Variants in MTCL3 observed in about 807,000 individuals in gnomAD.
MTCL3 encodes MTCL family member 3, also known as microtubule cross-linking factor 3.
the MTCL3 span, among the ~76,000 whole-genome samples, chr6:127,490,955 T>C: frequency 1.3e-5 from 2 of 152,138 alleles, no homozygotes; most frequent in Non-Finnish European, 2.9e-5. Flanking sequence ...AAGACATCAG[T>C]TGAGGAAATA....
At chr6:127,501,037 C>A in the MTCL3 span, among the ~76,000 whole-genome samples, 14 of 152,206 alleles carry the variant, frequency 9.2e-5, no homozygotes, top group African/African-American at 2.9e-4. Flanking sequence ...TGGTCTTGAT[C>A]TCCTGACCTC....
At chr6:127,516,289 G>A in the MTCL3 span, 12 of 1,540,700 alleles carry the variant, frequency 7.8e-6, no homozygotes, top group East Asian at 4.8e-5. Flanking sequence ...CCCTTTGGGC[G>A]CCAGGGGCGT....
chr6:127,516,008 C>T, the MTCL3 span: 3 of 1,593,162 alleles, frequency 1.9e-6, no homozygotes, highest in African/African-American at 1.3e-5. Flanking sequence ...CTCTGCTGAG[C>T]GCGTACGCCT....
the MTCL3 span, chr6:127,476,175 C>T: frequency 6.2e-7 from 1 of 1,614,174 alleles, no homozygotes; most frequent in Non-Finnish European, 8.5e-7. This position sits in a 1 kb window ranked among gnomAD's most constrained non-coding sequence, Gnocchi z 4.4. Flanking sequence ...CGTCCAGTTC[C>T]GCCTTCAGGC....
At chr6:127,478,490 G>A in the MTCL3 span, among the ~76,000 whole-genome samples, 1 of 152,242 alleles carries the variant, frequency 6.6e-6, no homozygotes, top group Non-Finnish European at 1.5e-5. Flanking sequence ...GGTGAAGAAT[G>A]TGGGTTTAAG....
chr6:127,473,506 T>C, the MTCL3 span: 3 of 698,402 alleles, frequency 4.3e-6, no homozygotes, highest in Non-Finnish European at 4.4e-6. Context: ...ACCTCCACCC[T>C]CCCTTAAGCC....
chr6:127,477,370 G>A, the MTCL3 span, among the ~76,000 whole-genome samples: 1 of 152,140 alleles, frequency 6.6e-6, no homozygotes, highest in Non-Finnish European at 1.5e-5. Flanking sequence ...CTTTCTCTGA[G>A]GGATATTACT....
chr6:127,501,417 A>T, the MTCL3 span, among the ~76,000 whole-genome samples: 3 of 152,338 alleles, frequency 2.0e-5, no homozygotes, highest in East Asian at 3.9e-4. Context: ...GAGGCAGTGG[A>T]TACAACTACA....
At chr6:127,475,149 G>T in the MTCL3 span, 1 of 755,896 alleles carries the variant, frequency 1.3e-6, no homozygotes, top group Non-Finnish European at 2.0e-6. This position sits in a 1 kb window ranked among gnomAD's most constrained non-coding sequence, Gnocchi z 7.3. Flanking sequence ...GGCCGAGGCC[G>T]GGGGTTTCAG....
At chr6:127,511,184 C>G in the MTCL3 span, among the ~76,000 whole-genome samples, 1 of 152,200 alleles carries the variant, frequency 6.6e-6, no homozygotes, top group Non-Finnish European at 1.5e-5. Flanking sequence ...CTTCGCAGCC[C>G]TCAGAAAGAA....
chr6:127,517,083 T>C, the MTCL3 span, among the ~76,000 whole-genome samples: 1 of 152,246 alleles, frequency 6.6e-6, no homozygotes, highest in African/African-American at 2.4e-5. Flanking sequence ...TTGTCAACTC[T>C]GCTTTTACAA....
At chr6:127,499,809 G>A in the MTCL3 span, among the ~76,000 whole-genome samples, 2 of 152,210 alleles carry the variant, frequency 1.3e-5, no homozygotes, top group Admixed American at 6.5e-5. Context: ...GAAGGCACTG[G>A]CAGGCACGCT....
the MTCL3 span, chr6:127,515,667 C>T: frequency 6.7e-7 from 1 of 1,501,914 alleles, no homozygotes; most frequent in Non-Finnish European, 8.8e-7. This position sits in a 1 kb window ranked among gnomAD's most constrained non-coding sequence, Gnocchi z 4.3. Context: ...GCTGGGGGCC[C>T]TCCGCCGCCG....
the MTCL3 span, among the ~76,000 whole-genome samples, chr6:127,490,828 C>G: frequency 6.6e-6 from 1 of 151,974 alleles, no homozygotes; most frequent in African/African-American, 2.4e-5. Flanking sequence ...AACAAACAAA[C>G]AAACAAACAA....
At chr6:127,491,076 A>G in the MTCL3 span, among the ~76,000 whole-genome samples, 31 of 152,258 alleles carry the variant, frequency 2.0e-4, no homozygotes, top group African/African-American at 6.8e-4. Context: ...ATAGATGAGC[A>G]AAGGAAGTGA....
the MTCL3 span, among the ~76,000 whole-genome samples, chr6:127,484,820 C>T: frequency 6.6e-6 from 1 of 152,186 alleles, no homozygotes; most frequent in African/African-American, 2.4e-5. Context: ...ATTATCTCAG[C>T]TAATTTTTAA....
At chr6:127,500,023 T>A in the MTCL3 span, among the ~76,000 whole-genome samples, 1 of 152,188 alleles carries the variant, frequency 6.6e-6, no homozygotes, top group Non-Finnish European at 1.5e-5. Context: ...TGGTGATGGT[T>A]TCCAAGAGTA....
chr6:127,494,768 C>T, the MTCL3 span, among the ~76,000 whole-genome samples: 2 of 152,254 alleles, frequency 1.3e-5, no homozygotes, highest in Admixed American at 6.5e-5. Context: ...GACCACCTTG[C>T]TTTAAAAAAT....
At chr6:127,503,350 A>T in the MTCL3 span, among the ~76,000 whole-genome samples, 5 of 152,196 alleles carry the variant, frequency 3.3e-5, no homozygotes, top group African/African-American at 1.2e-4. Flanking sequence ...AGCCACTGGC[A>T]TGTAATTAGC....
Sources: allele counts gnomAD v4.1 joint callset (sites outside exome capture counted in the v4.1 genomes callset), GRCh38; gene constraint gnomAD v4.1.1; non-coding constraint Gnocchi (gnomAD v3.1); transcripts MANE v1.5; gene names NCBI Gene and HGNC (gene_info 2026-07-23, HGNC 2026-07-21).